CCDC170: variants seen among roughly 807,000 people sequenced by gnomAD.
CCDC170 encodes the protein coiled-coil domain containing 170.
In CCDC170, 69 loss-of-function variants were observed where a neutral mutation model predicts 72.6. The observed-to-expected ratio is 0.95, with a 90% confidence interval of 0.78 to 1.16. CCDC170 has a LOEUF of 1.16. CCDC170 is among the 50% of genes most tolerant of loss of function. CCDC170 has a pLI of 0.00. For missense variants in CCDC170, 852 were observed against 832.5 expected (o/e 1.02, Z -0.29); for synonymous variants, 300 against 303.9 (o/e 0.99, Z 0.13).
intron 1 of CCDC170, among the ~76,000 whole-genome samples, chr6:151,508,943 A>T (rs1354467958): frequency 6.7e-6 from 1 of 150,260 alleles, no homozygotes; most frequent in Admixed American, 6.7e-5. Flanking sequence ...TGAACCCAGG[A>T]GGCGGAGGTT....
At chr6:151,553,277 A>G (rs1782914902) in intron 5 of CCDC170, among the ~76,000 whole-genome samples, 1 of 152,128 alleles carries the variant, frequency 6.6e-6, no homozygotes, top group Non-Finnish European at 1.5e-5. Flanking sequence ...TAGGATTTGA[A>G]CCCATATCAT....
chr6:151,530,354 G>A (rs1782476329), intron 1 of CCDC170, among the ~76,000 whole-genome samples: 1 of 151,046 alleles, frequency 6.6e-6, no homozygotes, highest in Non-Finnish European at 1.5e-5. Flanking sequence ...TGGAAATTTT[G>A]TACCAGTTTA....
chr6:151,509,535 A>G (rs796747036), intron 1 of CCDC170, among the ~76,000 whole-genome samples: 3 of 152,334 alleles, frequency 2.0e-5, no homozygotes, highest in African/African-American at 7.2e-5. Context: ...TTTAAGCTTC[A>G]TAGAACTTTA....
chr6:151,574,548 C>T (rs1172180548), intron 6 of CCDC170, among the ~76,000 whole-genome samples: 1 of 152,196 alleles, frequency 6.6e-6, no homozygotes, highest in Non-Finnish European at 1.5e-5. Context: ...ACACAGCCCT[C>T]CACTGTGGTG....
At chr6:151,528,171 T>TG (rs1338736391) in intron 1 of CCDC170, among the ~76,000 whole-genome samples, 2 of 152,138 alleles carry the variant, frequency 1.3e-5, no homozygotes, top group Non-Finnish European at 2.9e-5. Context: ...AATTGCTTCA[T>TG]GGGTTAGCTG....
chr6:151,570,251 T>C (rs1776199038), intron 5 of CCDC170, among the ~76,000 whole-genome samples: 1 of 152,200 alleles, frequency 6.6e-6, no homozygotes, highest in East Asian at 1.9e-4. Flanking sequence ...ATATATAATA[T>C]TCCATATGGT....
chr6:151,575,585 A>G (rs1776290994), intron 6 of CCDC170, among the ~76,000 whole-genome samples: 1 of 112,518 alleles, frequency 8.9e-6, no homozygotes, highest in Admixed American at 1.3e-4. Context: ...GCCAGAGTGC[A>G]GTGGTGCAAA....
At chr6:151,523,685 C>CAA (rs11353679) in intron 1 of CCDC170, among the ~76,000 whole-genome samples, 24 of 115,592 alleles carry the variant, frequency 2.1e-4, no homozygotes, top group African/African-American at 3.2e-4. Context: ...GACTCTGTCT[C>CAA]AAAAAAAAAA....
intron 1 of CCDC170, among the ~76,000 whole-genome samples, chr6:151,534,860 C>T (rs909706090): frequency 2.6e-5 from 4 of 152,210 alleles, no homozygotes; most frequent in African/African-American, 4.8e-5. Context: ...TAGATTTTAT[C>T]GCTGAGCCTC....
chr6:151,596,269 G>T, intron 8 of CCDC170, 66 bp from the exon 9 acceptor site: 1 of 1,440,592 alleles, frequency 6.9e-7, no homozygotes, highest in Non-Finnish European at 9.2e-7. Context: ...ACATTATCTG[G>T]GTAACTCATT....
At chr6:151,537,920 AAT>A in intron 2 of CCDC170, 123 bp from the exon 3 acceptor site, 1 of 948,532 alleles carries the variant, frequency 1.1e-6, no homozygotes, top group Admixed American at 2.8e-5. Flanking sequence ...TTAGAAAAAA[AAT>A]AAAGTTAGAT....
chr6:151,526,806 C>T (rs974027341), intron 1 of CCDC170, among the ~76,000 whole-genome samples: 1 of 152,086 alleles, frequency 6.6e-6, no homozygotes, highest in Admixed American at 6.6e-5. Context: ...CCCCTGCCCA[C>T]TCAATGAAAA....
intron 1 of CCDC170, among the ~76,000 whole-genome samples, chr6:151,500,981 G>A (rs1489087748): frequency 6.6e-6 from 1 of 152,080 alleles, no homozygotes; most frequent in Non-Finnish European, 1.5e-5. Flanking sequence ...GGATGTGGCT[G>A]TAAAAATTAA....
intron 5 of CCDC170, among the ~76,000 whole-genome samples, chr6:151,559,641 C>T (rs969380517): frequency 2.0e-5 from 3 of 152,072 alleles, no homozygotes; most frequent in Non-Finnish European, 4.4e-5. Context: ...ATCATGTTGT[C>T]TGCAAAGAGG....
In CCDC170 at chr6:151,557,282, G is replaced by A. The variant is rs367795020; in HGVS notation, c.774+8793G>A. On this transcript the variant is annotated intron_variant, in intron 5 of 10. Coordinates refer to ENST00000239374, the MANE Select transcript of CCDC170 (RefSeq NM_025059.4). ...AAGTTAGCCGGGTGTGGTGGTGCAC[G>A]CCTGTAGTCCCAGCTACTCAGGAGG... Among the ~76,000 whole-genome samples the A allele has an allele frequency of 6.4e-4, 97 of 152,022 alleles. No individual in the cohort carries two copies. The South Asian group carries it at 0.014, about 22-fold the overall frequency.
chr6:151,498,319 A>T (rs1490725462), intron 1 of CCDC170, among the ~76,000 whole-genome samples: 1 of 152,232 alleles, frequency 6.6e-6, no homozygotes, highest in Non-Finnish European at 1.5e-5. Context: ...AAGGACTTAG[A>T]GCTGGTCATA....
At position 151,574,020 on chromosome 6, in the gene CCDC170, C is replaced by T. The variant is rs931753487; in HGVS notation, c.1092+529C>T. 3.9e-5 allele frequency among the ~76,000 whole-genome samples: 6 copies of T among 152,344 alleles called. No individual in the cohort carries two copies. The East Asian group carries it at 5.8e-4, about 15-fold the overall frequency. ...GTCCATTTGGAGGCCAATGTAGTCA[C>T]TTGAGGCCAGGAATTCAAGACCAGT... On this transcript the variant is annotated intron_variant, in intron 6 of 10. Transcript: ENST00000239374.
chr6:151,595,840 T>C (rs1028008450), intron 8 of CCDC170, among the ~76,000 whole-genome samples: 3 of 152,008 alleles, frequency 2.0e-5, no homozygotes, highest in Non-Finnish European at 4.4e-5. Flanking sequence ...TTGATATATA[T>C]CCACTCTCAT....
chr6:151,503,174 TA>T (rs1254885833), intron 1 of CCDC170, among the ~76,000 whole-genome samples: 24 of 148,066 alleles, frequency 1.6e-4, no homozygotes, highest in East Asian at 2.0e-4. Flanking sequence ...AGACTACATT[TA>T]AAAAAAAAAA....
Sources: allele counts gnomAD v4.1 joint callset (sites outside exome capture counted in the v4.1 genomes callset), GRCh38; gene constraint gnomAD v4.1.1; transcripts MANE v1.5; gene names NCBI Gene and HGNC (gene_info 2026-07-23, HGNC 2026-07-21).